The following PRTFDC1 variants were observed in gnomAD, a reference collection of about 807,000 sequenced individuals.
PRTFDC1 encodes phosphoribosyltransferase domain-containing protein 1.
In PRTFDC1, 38 loss-of-function variants were observed where a neutral mutation model predicts 34.6. That is an observed-to-expected ratio of 1.10 (90% CI 0.85 to 1.44). The LOEUF (loss-of-function observed/expected upper bound fraction) is 1.44. Among genes scored for constraint, PRTFDC1 ranks in the 40% most tolerant of loss-of-function variants. PRTFDC1 has a pLI of 0.00. For synonymous variants in PRTFDC1, 93 were observed against 98.1 expected (o/e 0.95, Z 0.31); for missense variants, 270 against 283.0 (o/e 0.95, Z 0.33).
chr10:24,859,230 G>C (rs1847634800), intron 4 of PRTFDC1, among the ~76,000 whole-genome samples: 2 of 152,056 alleles, frequency 1.3e-5, no homozygotes, highest in Non-Finnish European at 2.9e-5. Flanking sequence ...TCTGTCTCCA[G>C]ACATCTGAAG....
intron 3 of PRTFDC1, among the ~76,000 whole-genome samples, chr10:24,902,414 T>C (rs1298619999): frequency 1.3e-5 from 2 of 152,148 alleles, no homozygotes; most frequent in Non-Finnish European, 2.9e-5. Context: ...AAAAGGTGCA[T>C]GTCATTGGAA....
chr10:24,917,338 T>C (rs1227018969), intron 3 of PRTFDC1, among the ~76,000 whole-genome samples: 3 of 152,054 alleles, frequency 2.0e-5, no homozygotes, highest in African/African-American at 7.2e-5. Flanking sequence ...GGGGTAGGGA[T>C]GGTTGTTGGA....
chr10:24,849,144 G>A lies in PRTFDC1; in HGVS notation c.*700C>T, dbSNP rs948002451. ...TGTATTTTTTTCTAATTAAAATTCA[G>A]AGTATTAAACACAGTTGAGTACATC... is the stretch of plus-strand genomic sequence containing the variant. On this transcript the variant is annotated 3_prime_UTR_variant, in exon 9 of 9. Coordinates refer to ENST00000320152, the MANE Select transcript of PRTFDC1 (RefSeq NM_020200.7). 7 of 152,448 alleles carry A rather than the reference G, an allele frequency of 4.6e-5. No homozygotes were observed. Among genetic ancestry groups the A allele is most frequent in the Non-Finnish European group, 5.9e-5 (4 of 68,032 alleles). 9.4% of individuals were successfully genotyped at this position (152,448 alleles called of 1,614,324 possible).
chr10:24,880,869 T>TTCTTTCCC (rs1555046690), intron 3 of PRTFDC1, among the ~76,000 whole-genome samples: 14 of 146,606 alleles, frequency 9.5e-5, no homozygotes, highest in African/African-American at 3.6e-4. Flanking sequence ...CTTTCTTTCT[T>TTCTTTCCC]TCTTTCTTTC....
chr10:24,948,075 C>G (rs1034892839), intron 1 of PRTFDC1, among the ~76,000 whole-genome samples: 3 of 152,144 alleles, frequency 2.0e-5, no homozygotes, highest in Non-Finnish European at 4.4e-5. Flanking sequence ...CCTAGTAGAG[C>G]TGTGCTTTCG....
intron 3 of PRTFDC1, among the ~76,000 whole-genome samples, chr10:24,906,533 T>C (rs909125981): frequency 6.6e-6 from 1 of 152,152 alleles, no homozygotes; most frequent in African/African-American, 2.4e-5. Context: ...ATGACTTGTA[T>C]GAATGAATGA....
chr10:24,878,317 C>T (rs1774299778), intron 3 of PRTFDC1, among the ~76,000 whole-genome samples: 1 of 151,852 alleles, frequency 6.6e-6, no homozygotes, highest in Non-Finnish European at 1.5e-5. Flanking sequence ...TGCTGGTAAG[C>T]GAATGAGCCC....
rs1849359162 is a variant in PRTFDC1, at chr10:24,952,314, A to C, written c.48+214T>G. ...CCGGAGGACACGGGGGGACGCTGGG[A>C]ACTCGGGGTGAAGGGACGGGACTCA... On this transcript the variant is annotated intron_variant, in intron 1 of 8. Coordinates refer to ENST00000320152, the MANE Select transcript of PRTFDC1 (RefSeq NM_020200.7). The surrounding 1 kb of genome is among the most constrained non-coding windows in gnomAD (Gnocchi z 5.1). 6.6e-6 allele frequency among the ~76,000 whole-genome samples: 1 copy of C among 151,726 alleles called. No individual in the cohort carries two copies. The highest frequency in any genetic ancestry group is 1.5e-5 in the Non-Finnish European group (1 of 67,956).
Position 24,851,374 on chromosome 10 carries a change from C to A in PRTFDC1, c.630+14G>T. ...TATAAAAAGGGCGGTTAGGGATTTG[C>A]ATGCAAGACTTACATTCAGATCTCT... On this transcript the variant is annotated intron_variant, in intron 8 of 8. Coordinates refer to ENST00000320152, the MANE Select transcript of PRTFDC1 (RefSeq NM_020200.7). The A allele has an allele frequency of 6.3e-7, 1 of 1,593,778 alleles. No homozygotes were observed. The highest frequency in any genetic ancestry group is 8.5e-7 in the Non-Finnish European group (1 of 1,174,856).
At chr10:24,856,432 C>A (rs1213972008) in intron 6 of PRTFDC1, among the ~76,000 whole-genome samples, 3 of 151,812 alleles carry the variant, frequency 2.0e-5, no homozygotes, top group Non-Finnish European at 4.4e-5. Context: ...GCTAAAAATA[C>A]AAAAAATTAG....
chr10:24,860,506 T>G (rs1401984114), intron 4 of PRTFDC1, among the ~76,000 whole-genome samples: 9 of 152,226 alleles, frequency 5.9e-5, no homozygotes, highest in Non-Finnish European at 1.0e-4. Flanking sequence ...ACAACTCTGT[T>G]AACTTTGCAC....
chr10:24,883,804 A>G (rs1411197951), intron 3 of PRTFDC1, among the ~76,000 whole-genome samples: 1 of 144,390 alleles, frequency 6.9e-6, no homozygotes, highest in Admixed American at 7.2e-5. Flanking sequence ...AGCGGTGATC[A>G]TTTCTTAAGA....
chr10:24,851,946 T>C (rs1460968171), intron 7 of PRTFDC1, among the ~76,000 whole-genome samples: 1 of 151,706 alleles, frequency 6.6e-6, no homozygotes, highest in Non-Finnish European at 1.5e-5. Flanking sequence ...TCTTGGCTGT[T>C]TAAAGGGCTG....
rs1486798917 is a variant in PRTFDC1 at position 24,933,952 on chromosome 10, C to G, written c.339+3232G>C. On this transcript the variant is annotated intron_variant, in intron 3 of 8. Coordinates refer to ENST00000320152, the MANE Select transcript of PRTFDC1 (RefSeq NM_020200.7). Reference sequence around the variant, plus strand: ...AGATGATCTGCCCGACTCGGCCTGCCAAAGTGCTAGGATGACAGGCATGAG... The same window carrying G: ...AGATGATCTGCCCGACTCGGCCTGCGAAAGTGCTAGGATGACAGGCATGAG... Among the ~76,000 whole-genome samples, 11 of 152,048 alleles carry G rather than the reference C, an allele frequency of 7.2e-5. 1 individual carries two copies. Among genetic ancestry groups the G allele is most frequent in the Admixed American group, 6.6e-4 (10 of 15,256 alleles).
chr10:24,924,309 A>C (rs1290759560), intron 3 of PRTFDC1, among the ~76,000 whole-genome samples: 1 of 152,208 alleles, frequency 6.6e-6, no homozygotes, highest in Admixed American at 6.5e-5. Flanking sequence ...AGAACACCAC[A>C]AAGATACTCC....
intron 4 of PRTFDC1, among the ~76,000 whole-genome samples, chr10:24,864,420 G>A (rs577034136): frequency 6.6e-6 from 1 of 152,234 alleles, no homozygotes; most frequent in African/African-American, 2.4e-5. Flanking sequence ...GAACTTCACT[G>A]TTGTCTTGTT....
intron 3 of PRTFDC1, 24 bp from the exon 4 acceptor site, chr10:24,872,087 G>A (rs1847880621): frequency 2.5e-6 from 4 of 1,578,764 alleles, no homozygotes; most frequent in Admixed American, 1.7e-5. Flanking sequence ...GAAAAAAAAG[G>A]GAGACAATTT....
chr10:24,871,045 C>G (rs1156460955), intron 4 of PRTFDC1, among the ~76,000 whole-genome samples: 1 of 134,580 alleles, frequency 7.4e-6, no homozygotes, highest in Non-Finnish European at 1.5e-5. Context: ...GCACTCCAAC[C>G]TGGGGACAGA....
At chr10:24,943,308 T>C (rs1181002281) in intron 1 of PRTFDC1, among the ~76,000 whole-genome samples, 1 of 152,068 alleles carries the variant, frequency 6.6e-6, no homozygotes, top group Non-Finnish European at 1.5e-5. Flanking sequence ...TAAACCGTCC[T>C]ATTAGAAACT....
Sources: gnomAD v4.1 joint callset for allele counts (sites outside exome capture counted in the v4.1 genomes callset) on GRCh38, gnomAD v4.1.1 for gene constraint, Gnocchi (gnomAD v3.1) non-coding constraint, MANE v1.5 for transcripts, NCBI Gene and HGNC (gene_info 2026-07-23, HGNC 2026-07-21) for gene names.